Variants in PHLPP1 observed in about 807,000 individuals in gnomAD.
The protein encoded by PHLPP1 is PH domain leucine-rich repeat-containing protein phosphatase 1.
PHLPP1 carries 42 observed loss-of-function variants against 117.2 expected under a neutral mutation model. The ratio of observed to expected loss-of-function variants is 0.36; its 90% confidence interval spans 0.28 to 0.46. PHLPP1 has a LOEUF of 0.46. Among genes scored for constraint, PHLPP1 ranks in the 20% least tolerant of loss-of-function variants. PHLPP1 has a pLI of 1.00. For missense variants in PHLPP1, 2,084 were observed against 2,241.9 expected, an observed-to-expected ratio of 0.93 and a Z score of 1.42; for synonymous variants, 1,042 against 970.7, an observed-to-expected ratio of 1.07 and a Z score of -1.37.
At chr18:62,728,759 G>A (rs896823453) in intron 1 of PHLPP1, among the ~76,000 whole-genome samples, 1 of 151,968 alleles carries the variant, frequency 6.6e-6, no homozygotes, top group Non-Finnish European at 1.5e-5. Context: ...TGCCCGCCTC[G>A]GCCTCCCAAA....
intron 3 of PHLPP1, among the ~76,000 whole-genome samples, chr18:62,848,077 T>G (rs1187862385): frequency 2.0e-5 from 3 of 152,232 alleles, no homozygotes; most frequent in Admixed American, 1.3e-4. Flanking sequence ...TCTCAGATAC[T>G]TTATCTCATA....
intron 1 of PHLPP1, among the ~76,000 whole-genome samples, chr18:62,752,545 C>T (rs767673174): frequency 8.5e-5 from 13 of 152,218 alleles, no homozygotes; most frequent in South Asian, 2.1e-4. Flanking sequence ...TGTTTTGTTT[C>T]GAGAGGCCAG....
chr18:62,787,069 G>A (rs1371218850), intron 1 of PHLPP1, among the ~76,000 whole-genome samples: 1 of 151,860 alleles, frequency 6.6e-6, no homozygotes, highest in Non-Finnish European at 1.5e-5. Flanking sequence ...TCACTTTGTC[G>A]CCCAGGCCAG....
intron 10 of PHLPP1, among the ~76,000 whole-genome samples, chr18:62,934,572 GAT>G (rs2094624592): frequency 1.3e-5 from 2 of 152,190 alleles, no homozygotes; most frequent in Non-Finnish European, 2.9e-5. Flanking sequence ...CTCTGAAAGA[GAT>G]AAGGGATATA....
chr18:62,975,307 C>A, intron 15 of PHLPP1, 90 bp from the exon 16 acceptor site: 1 of 823,570 alleles, frequency 1.2e-6, no homozygotes, highest in Non-Finnish European at 2.1e-6. Flanking sequence ...CCTTCCTGGC[C>A]CTGTCCAGTG....
At chr18:62,895,554 C>T (rs1916537486) in intron 5 of PHLPP1, among the ~76,000 whole-genome samples, 1 of 152,194 alleles carries the variant, frequency 6.6e-6, no homozygotes, top group Admixed American at 6.5e-5. Flanking sequence ...TAAGCCTATT[C>T]AAATTGGGAA....
intron 4 of PHLPP1, among the ~76,000 whole-genome samples, chr18:62,891,702 CA>C (rs952789229): frequency 2.6e-5 from 3 of 116,764 alleles, no homozygotes; most frequent in African/African-American, 9.7e-5. Flanking sequence ...CCAGCCTGGG[CA>C]AAATGGCAAA....
chr18:62,776,085 G>T (rs550415881), intron 1 of PHLPP1, among the ~76,000 whole-genome samples: 6 of 152,098 alleles, frequency 3.9e-5, no homozygotes, highest in African/African-American at 1.4e-4. Context: ...TATATATAAA[G>T]AAGTTTATTT....
intron 1 of PHLPP1, among the ~76,000 whole-genome samples, chr18:62,811,383 T>G (rs745824954): frequency 9.2e-5 from 14 of 152,178 alleles, no homozygotes; most frequent in Non-Finnish European, 1.8e-4. Context: ...TAGAAAGGTG[T>G]GTATGATACA....
At chr18:62,804,103 T>G (rs1312775418) in intron 1 of PHLPP1, among the ~76,000 whole-genome samples, 1 of 152,034 alleles carries the variant, frequency 6.6e-6, no homozygotes, top group Non-Finnish European at 1.5e-5. Context: ...AACTTAACAG[T>G]TAATGGCGGA....
intron 10 of PHLPP1, among the ~76,000 whole-genome samples, chr18:62,930,829 T>C (rs1198764955): frequency 2.0e-5 from 3 of 152,180 alleles, no homozygotes; most frequent in African/African-American, 7.2e-5. Context: ...ATTGAAATCC[T>C]GTCAAGCATC....
chr18:62,824,115 G>C, intron 1 of PHLPP1: 1 of 443,126 alleles, frequency 2.3e-6, no homozygotes, highest in South Asian at 1.6e-5. Context: ...TGGGCAACAA[G>C]AGCGAAACTC....
intron 1 of PHLPP1, among the ~76,000 whole-genome samples, chr18:62,727,277 A>G (rs1255314882): frequency 6.6e-6 from 1 of 150,860 alleles, no homozygotes; most frequent in Non-Finnish European, 1.5e-5. Flanking sequence ...TTGTTCGCAC[A>G]TTTTAATTGA....
rs777961288 is a variant in PHLPP1, at chr18:62,978,816, G to T, written c.4539G>T (p.Glu1513Asp). 6.2e-7 allele frequency: 1 copy of T among 1,610,790 alleles called. No individual in the cohort carries two copies. The highest frequency in any genetic ancestry group is 1.1e-5 in the South Asian group (1 of 90,434). Residue 1513 changes from glutamate to aspartate, a missense_variant, in exon 17 of 17, where the codon GAG becomes GAT. Glu to Asp is a conservative substitution (Grantham distance 45). This residue lies in a region of PHLPP1 where 1,365 missense variants were observed against 1,605.9 expected (regional missense o/e 0.85). Transcript: ENST00000262719. This position sits in a 1 kb window ranked among gnomAD's most constrained non-coding sequence, Gnocchi z 7.0. Reference sequence around the variant, plus strand: ...AGAACAGCCCTGCCTACCCCAGTGAGCAGCGCTGCATGCTCCACCCCATCT... The same window carrying T: ...AGAACAGCCCTGCCTACCCCAGTGATCAGCGCTGCATGCTCCACCCCATCT... Reference protein sequence around the residue: ...LSENSPAYPSEQRCMLHPICL... With the variant: ...LSENSPAYPSDQRCMLHPICL...
intron 10 of PHLPP1, among the ~76,000 whole-genome samples, chr18:62,936,467 C>G (rs1778493576): frequency 6.6e-6 from 1 of 152,134 alleles, no homozygotes; most frequent in African/African-American, 2.4e-5. Flanking sequence ...GTATGAGAAA[C>G]AGAAGAGTTT....
chr18:62,823,019 A>T (rs903368626), intron 1 of PHLPP1, among the ~76,000 whole-genome samples: 2 of 152,214 alleles, frequency 1.3e-5, no homozygotes, highest in African/African-American at 4.8e-5. Flanking sequence ...GTTAATAGAA[A>T]TTTTTGCTTG....
chr18:62,938,368 G>T (rs898351671), intron 10 of PHLPP1, among the ~76,000 whole-genome samples: 11 of 152,172 alleles, frequency 7.2e-5, no homozygotes, highest in African/African-American at 2.7e-4. Context: ...CCATCCTGGA[G>T]AAACTTTGCA....
rs1403126672 is a variant in PHLPP1, at chr18:62,717,265, GA to G, written c.1576+8del. The G allele has an allele frequency of 8.3e-6, 13 of 1,562,642 alleles. No individual in the cohort carries two copies. The highest frequency in any genetic ancestry group is 1.0e-5 in the Non-Finnish European group (12 of 1,151,138). On this transcript the variant is annotated splice_region_variant and intron_variant, in intron 1 of 16. Coordinates refer to ENST00000262719, the MANE Select transcript of PHLPP1 (RefSeq NM_194449.4). ...CCTCATCCGCTTCTATGCAGGTAAGGAAGTCACCTGCCTTGACGGGTGGTTG... is the reference window on the plus strand; with the variant it reads ...CCTCATCCGCTTCTATGCAGGTAAGGAGTCACCTGCCTTGACGGGTGGTTG...
intron 1 of PHLPP1, among the ~76,000 whole-genome samples, chr18:62,732,648 T>C (rs1245669516): frequency 6.6e-6 from 1 of 152,242 alleles, no homozygotes; most frequent in Non-Finnish European, 1.5e-5. Flanking sequence ...TTTGTAAGGC[T>C]ATAGCTGCCA....
Sources: allele counts gnomAD v4.1 joint callset (sites outside exome capture counted in the v4.1 genomes callset), GRCh38; gene constraint gnomAD v4.1.1; regional missense constraint gnomAD v4.1.1; non-coding constraint Gnocchi (gnomAD v3.1); transcripts MANE v1.5; gene names NCBI Gene and HGNC (gene_info 2026-07-23, HGNC 2026-07-21).